ASTN2: variants seen among roughly 807,000 people sequenced by gnomAD.
The protein encoded by ASTN2 is astrotactin 2, also known as astrotactin-2.
Under a neutral mutation model 139.8 loss-of-function variants are expected in ASTN2, and 54 were observed. The ratio of observed to expected loss-of-function variants is 0.39; its 90% confidence interval spans 0.31 to 0.48. ASTN2 has a LOEUF of 0.48. ASTN2 is among the 20% of genes least tolerant of loss of function. ASTN2 has a pLI of 0.95. For missense variants in ASTN2, 1,565 were observed against 1,725.1 expected (o/e 0.91, Z 1.64); for synonymous variants, 756 against 719.5 (o/e 1.05, Z -0.81).
At chr9:117,020,126 C>T (rs1247310785) in intron 6 of ASTN2, among the ~76,000 whole-genome samples, 12 of 150,472 alleles carry the variant, frequency 8.0e-5, no homozygotes, top group Admixed American at 5.3e-4. Context: ...TTGGAAATAT[C>T]CTAGGAATAG....
chr9:117,380,549 G>C (rs762071737), intron 1 of ASTN2, among the ~76,000 whole-genome samples: 1 of 149,170 alleles, frequency 6.7e-6, no homozygotes, highest in Non-Finnish European at 1.5e-5. Flanking sequence ...AGGTTGCAGT[G>C]AGCTGAGATC....
intron 7 of ASTN2, among the ~76,000 whole-genome samples, chr9:117,000,291 G>A (rs1837158321): frequency 6.6e-6 from 1 of 152,152 alleles, no homozygotes. Flanking sequence ...CTACAACCAG[G>A]AAACAGAGAA....
At chr9:117,329,745 A>G (rs753148759) in intron 1 of ASTN2, among the ~76,000 whole-genome samples, 1 of 152,190 alleles carries the variant, frequency 6.6e-6, no homozygotes, top group Non-Finnish European at 1.5e-5. Flanking sequence ...GGGGTCATAA[A>G]TTCAGAGCCC....
intron 3 of ASTN2, among the ~76,000 whole-genome samples, chr9:117,193,959 G>GCGT: frequency 6.6e-6 from 1 of 151,558 alleles, no homozygotes; most frequent in East Asian, 2.0e-4. Context: ...AGAGGGCAGG[G>GCGT]TGTTGTTGTT....
At chr9:116,787,432 T>C (rs937722185) in intron 13 of ASTN2, among the ~76,000 whole-genome samples, 3 of 152,230 alleles carry the variant, frequency 2.0e-5, no homozygotes, top group African/African-American at 7.2e-5. Context: ...TGAAATGTAA[T>C]CATCAAGGAA....
At chr9:116,502,572 T>G (rs1433570663) in intron 19 of ASTN2, among the ~76,000 whole-genome samples, 2 of 145,172 alleles carry the variant, frequency 1.4e-5, no homozygotes, top group South Asian at 2.2e-4. Context: ...CAGATAGAAA[T>G]AGAGAGACAT....
chr9:116,696,177 T>C (rs574543133), intron 16 of ASTN2, among the ~76,000 whole-genome samples: 1 of 152,334 alleles, frequency 6.6e-6, no homozygotes. Flanking sequence ...AAATCTCATT[T>C]TGGCTCTGAA....
At chr9:116,858,999 T>C (rs1253327365) in intron 11 of ASTN2, among the ~76,000 whole-genome samples, 2 of 152,184 alleles carry the variant, frequency 1.3e-5, no homozygotes, top group East Asian at 3.8e-4. Context: ...TTGCATTCCT[T>C]TCTGGAGGTT....
intron 5 of ASTN2, among the ~76,000 whole-genome samples, chr9:117,040,806 A>G (rs2132649719): frequency 6.6e-6 from 1 of 152,322 alleles, no homozygotes; most frequent in Admixed American, 6.5e-5. Flanking sequence ...GGTTCTTGTG[A>G]CAATTACACA....
At chr9:116,804,258 A>G (rs10983356) in intron 13 of ASTN2, among the ~76,000 whole-genome samples, 28,022 of 152,046 alleles carry the variant, frequency 0.18, 3,115 homozygotes, top group South Asian at 0.26. Flanking sequence ...AGCTGGAGTT[A>G]CATCTGATTC....
intron 1 of ASTN2, among the ~76,000 whole-genome samples, chr9:117,392,317 G>A (rs377429052): frequency 3.3e-4 from 50 of 152,330 alleles, no homozygotes; most frequent in African/African-American, 1.2e-3. Flanking sequence ...ACATTGAAAT[G>A]AGGGGAAACA....
At chr9:117,409,522 A>G (rs748952303) in intron 1 of ASTN2, among the ~76,000 whole-genome samples, 1 of 152,238 alleles carries the variant, frequency 6.6e-6, no homozygotes, top group Non-Finnish European at 1.5e-5. Flanking sequence ...GTTGTTGGAC[A>G]GCTCCAGGGG....
At chr9:117,004,279 C>G (rs557598669) in intron 7 of ASTN2, among the ~76,000 whole-genome samples, 9 of 152,090 alleles carry the variant, frequency 5.9e-5, no homozygotes, top group African/African-American at 2.2e-4. Flanking sequence ...GTCACCATGC[C>G]TGGCTAATTT....
intron 10 of ASTN2, among the ~76,000 whole-genome samples, chr9:116,902,870 T>G (rs563749232): frequency 6.6e-6 from 1 of 152,276 alleles, no homozygotes; most frequent in East Asian, 1.9e-4. Context: ...TTCTTTACTT[T>G]ACAACTTTTT....
chr9:117,171,344 A>G (rs1297666476), intron 3 of ASTN2, among the ~76,000 whole-genome samples: 3 of 152,180 alleles, frequency 2.0e-5, no homozygotes, highest in African/African-American at 7.2e-5. Context: ...TTCCTGGCCT[A>G]GCTGTGTGAC....
chr9:116,520,157 A>AG, intron 19 of ASTN2, among the ~76,000 whole-genome samples: 1 of 152,124 alleles, frequency 6.6e-6, no homozygotes, highest in Non-Finnish European at 1.5e-5. Flanking sequence ...CTATGACACC[A>AG]GTATCATCCT....
chr9:116,718,121 G>T (rs1828365067), intron 16 of ASTN2, among the ~76,000 whole-genome samples: 1 of 152,222 alleles, frequency 6.6e-6, no homozygotes, highest in Admixed American at 6.5e-5. Context: ...AAATAGGAAT[G>T]TAGCAAAGGA....
At position 117,355,818 on chromosome 9, in the gene ASTN2, G is replaced by A. The variant is rs540394589; in HGVS notation, c.442+58679C>T. On this transcript the variant is annotated intron_variant, in intron 1 of 22. Transcript: ENST00000313400. ...AGGCAGAGGCCGGCTTGCAGCTGGG[G>A]GCCATGCTGGGGGACATGGGAGCAG... 3.9e-5 allele frequency among the ~76,000 whole-genome samples: 6 copies of A among 152,252 alleles called. No homozygotes were observed. In the East Asian group the frequency reaches 1.2e-3, roughly 29 times the overall value.
At chr9:116,660,437 C>T (rs1473491730) in intron 16 of ASTN2, among the ~76,000 whole-genome samples, 2 of 152,224 alleles carry the variant, frequency 1.3e-5, no homozygotes, top group Admixed American at 1.3e-4. Flanking sequence ...TGGAACAAGA[C>T]CTTAACCTCT....
Sources: gnomAD v4.1 joint callset for allele counts (sites outside exome capture counted in the v4.1 genomes callset) on GRCh38, gnomAD v4.1.1 for gene constraint, MANE v1.5 for transcripts, NCBI Gene and HGNC (gene_info 2026-07-23, HGNC 2026-07-21) for gene names.